MYPOP: variants seen among roughly 807,000 people sequenced by gnomAD.
The protein encoded by MYPOP is Myb related transcription factor, partner of profilin, also known as myb-related transcription factor, partner of profilin.
In MYPOP, 21 loss-of-function variants were observed where a neutral mutation model predicts 25.7. That is an observed-to-expected ratio of 0.82 (90% confidence interval 0.58 to 1.18). The LOEUF (loss-of-function observed/expected upper bound fraction) is 1.18, where lower values mean the gene tolerates loss of function less well. Ranked by LOEUF, MYPOP falls within the 50% of genes most tolerant of loss-of-function variation. MYPOP has a pLI of 0.00. For synonymous variants in MYPOP, 280 were observed against 247.9 expected (o/e 1.13, Z -1.22); for missense variants, 566 against 588.3 (o/e 0.96, Z 0.39).
chr19:45,890,944 A>T lies in MYPOP; in HGVS notation c.879T>A (p.Ala293=). 6.9e-7 allele frequency: 1 copy of T among 1,458,394 alleles called. No homozygotes were observed. 90.3% of individuals were successfully genotyped at this position (1,458,394 alleles called of 1,614,324 possible). Residue 293 remains alanine (A), a synonymous_variant, in exon 3 of 3, where the codon GCT becomes GCA. Transcript: ENST00000322217. The part of the protein sequence containing the change: ...GLAKLSEALS[A]LLPLLPGTPV... ...GGGTTCCTGGCAGAAGGGGCAGCAG[A>T]GCGCTGAGGGCCTCGCTCAGTTTGG...
At chr19:45,898,309 C>T (rs866385522) in intron 2 of MYPOP, among the ~76,000 whole-genome samples, 12 of 152,006 alleles carry the variant, frequency 7.9e-5, no homozygotes, top group Admixed American at 3.3e-4. Flanking sequence ...CATGCCAGGC[C>T]TGTGTATGGT....
rs376978103 is a variant in MYPOP at position 45,894,920 on chromosome 19, T to C, written c.500-3597A>G. Among the ~76,000 whole-genome samples, 20 of 152,008 alleles carry C rather than the reference T, an allele frequency of 1.3e-4. 1 individual carries two copies. The highest frequency in any genetic ancestry group is 7.9e-4 in the Admixed American group (12 of 15,252). On this transcript the variant is annotated intron_variant, in intron 2 of 2. Coordinates refer to ENST00000322217, the MANE Select transcript of MYPOP (RefSeq NM_001012643.4). Reference sequence around the variant, plus strand: ...TTTTAGTAGAGACGGGGTTTCACCATGTTGGCCAGATGGTCTCGATCTCTT... The same window carrying C: ...TTTTAGTAGAGACGGGGTTTCACCACGTTGGCCAGATGGTCTCGATCTCTT...
At chr19:45,898,696 CTCTAG>C (rs965149339) in intron 2 of MYPOP, among the ~76,000 whole-genome samples, 1 of 152,050 alleles carries the variant, frequency 6.6e-6, no homozygotes, top group African/African-American at 2.4e-5. Context: ...GTGCTGTTTC[CTCTAG>C]TCTAGCAGGA....
chr19:45,891,370 G>A (rs1368332771), intron 2 of MYPOP, 47 bp from the exon 3 acceptor site: 4 of 1,419,500 alleles, frequency 2.8e-6, no homozygotes, highest in Admixed American at 5.8e-5. Context: ...CCTCGATGCT[G>A]CCTTGATTTC....
chr19:45,898,302 G>T (rs1407838659), intron 2 of MYPOP, among the ~76,000 whole-genome samples: 7 of 152,006 alleles, frequency 4.6e-5, no homozygotes, highest in Non-Finnish European at 1.0e-4. Context: ...GAGCCACCAT[G>T]CCAGGCCTGT....
chr19:45,898,069 G>A (rs914922293), intron 2 of MYPOP, among the ~76,000 whole-genome samples: 3 of 149,802 alleles, frequency 2.0e-5, no homozygotes, highest in African/African-American at 4.9e-5. Flanking sequence ...GACTACAGGC[G>A]TGTGCCACCA....
Position 45,891,174 on chromosome 19 carries a change from C to G in MYPOP, c.649G>C (p.Ala217Pro). Reference sequence around the variant, plus strand: ...GGGGCTGGGGGTGGTGGAGACAAGGCCAGGCGAGGCAGCTGGACCGGCTGC... The same window carrying G: ...GGGGCTGGGGGTGGTGGAGACAAGGGCAGGCGAGGCAGCTGGACCGGCTGC... Reference protein sequence around the residue: ...ALQPVQLPRLALSPPPPAPPL... With the variant: ...ALQPVQLPRLPLSPPPPAPPL... The change falls in exon 3 of 3, where the codon GCC (alanine) becomes CCC (proline). Residue 217 changes from alanine (A) to proline (P), a missense_variant. Physicochemically the swap from Ala to Pro is conservative, Grantham distance 27 (BLOSUM62 -1). Transcript: ENST00000322217. 1.3e-6 allele frequency: 2 copies of G among 1,523,526 alleles called. No individual in the cohort carries two copies. The highest frequency in any genetic ancestry group is 1.8e-6 in the Non-Finnish European group (2 of 1,140,050). 94.4% of individuals were successfully genotyped at this position (1,523,526 alleles called of 1,614,324 possible).
rs1158575979 is a variant in MYPOP, at chr19:45,890,519, G to A, written c.*104C>T. 2.6e-6 allele frequency: 4 copies of A among 1,519,540 alleles called. No homozygotes were observed. Among genetic ancestry groups the A allele is most frequent in the Non-Finnish European group, 3.5e-6 (4 of 1,132,490 alleles). The allele number at this position is 1,519,540 out of a possible 1,614,324, so 94.1% of individuals were successfully genotyped here. ...CAGGGAGTGGGTGCTCACATCCCTG[G>A]AGCAGGGAGCTAGGGTGCAGCTGGG... On this transcript the variant is annotated 3_prime_UTR_variant, in exon 3 of 3. Transcript: ENST00000322217.
At position 45,891,236 on chromosome 19, in the gene MYPOP, C is replaced by G. The variant is rs533099876; in HGVS notation, c.587G>C (p.Arg196Pro). Residue 196 changes from arginine to proline, a missense_variant, in exon 3 of 3, where the codon CGG (arginine) becomes CCG (proline). By Grantham distance (103) the Arg-to-Pro change is moderately radical. Coordinates refer to ENST00000322217, the MANE Select transcript of MYPOP (RefSeq NM_001012643.4). ...GGGTGGTGACTCACGCTCCTTGGGCCGTGGGCAGCCCCCTTCCTGGGGAGT... is the reference window on the plus strand; with the variant it reads ...GGGTGGTGACTCACGCTCCTTGGGCGGTGGGCAGCCCCCTTCCTGGGGAGT... The part of the protein sequence containing the change: ...SCTPQEGGCP[R>P]PKERESPPPS... 308 of 1,543,846 alleles carry G rather than the reference C, an allele frequency of 2.0e-4. 3 individuals are homozygous for G. In the South Asian group the frequency reaches 3.5e-3, roughly 17 times the overall value.
chr19:45,893,612 T>A lies in MYPOP; in HGVS notation c.500-2289A>T, dbSNP rs1415107253. 8.7e-5 allele frequency among the ~76,000 whole-genome samples: 12 copies of A among 138,604 alleles called. 1 individual carries two copies. Among genetic ancestry groups the A allele is most frequent in the African/African-American group, 3.2e-4 (12 of 37,056 alleles). The allele number at this position is 138,604 out of a possible 152,430, so 90.9% of individuals were successfully genotyped here. On this transcript the variant is annotated intron_variant, in intron 2 of 2. Coordinates refer to ENST00000322217, the MANE Select transcript of MYPOP (RefSeq NM_001012643.4). ...AAGGCAAATCTATAGAAACAGAAAG[T>A]AGATGAGTGGCTGCCGGGGGCTGGG...
intron 2 of MYPOP, among the ~76,000 whole-genome samples, chr19:45,894,091 G>A (rs941751999): frequency 6.7e-6 from 1 of 148,754 alleles, no homozygotes; most frequent in Non-Finnish European, 1.5e-5. Context: ...GCCTGATCCT[G>A]TACACTTTAT....
Position 45,901,132 on chromosome 19 carries a change from T to G in MYPOP, c.499+143A>C, listed in dbSNP as rs985988227. Reference sequence around the variant, plus strand: ...GCTATCGGAACTGAGGCAAGTCATTTCATTTTTCTGAGCTTCAGTTTCCCT... The same window carrying G: ...GCTATCGGAACTGAGGCAAGTCATTGCATTTTTCTGAGCTTCAGTTTCCCT... On this transcript the variant is annotated intron_variant, in intron 2 of 2. Coordinates refer to ENST00000322217, the MANE Select transcript of MYPOP (RefSeq NM_001012643.4). The surrounding 1 kb of genome is among the most constrained non-coding windows in gnomAD (Gnocchi z 5.7). 1.8e-5 allele frequency: 15 copies of G among 830,242 alleles called. 1 individual carries two copies. Among genetic ancestry groups the G allele is most frequent in the African/African-American group, 1.8e-5 (1 of 55,980 alleles). The allele number at this position is 830,242 out of a possible 1,614,324, so 51.4% of individuals were successfully genotyped here. A position where few individuals can be genotyped will look rare whatever the true frequency, so the allele number is the denominator to read the frequency against.
chr19:45,891,505 T>C lies in MYPOP; in HGVS notation c.500-182A>G, dbSNP rs558322436. On this transcript the variant is annotated intron_variant, in intron 2 of 2. Coordinates refer to ENST00000322217, the MANE Select transcript of MYPOP (RefSeq NM_001012643.4). Reference sequence around the variant, plus strand: ...AGGCTGTAGTGCAGTGGTGCAATCTTGGCTCACTGCACCTTCCACCTCCTG... The same window carrying C: ...AGGCTGTAGTGCAGTGGTGCAATCTCGGCTCACTGCACCTTCCACCTCCTG... Among the ~76,000 whole-genome samples, 11 of 151,280 alleles carry C rather than the reference T, an allele frequency of 7.3e-5. No homozygotes were observed. The East Asian group carries it at 2.2e-3, about 30-fold the overall frequency.
At chr19:45,893,573 A>T (rs1173671223) in intron 2 of MYPOP, among the ~76,000 whole-genome samples, 1 of 150,362 alleles carries the variant, frequency 6.7e-6, no homozygotes, top group South Asian at 2.1e-4. Context: ...CGTCTCAAAA[A>T]AAAAAAAAAA....
intron 2 of MYPOP, among the ~76,000 whole-genome samples, chr19:45,900,618 GGAACGGCTGTA>G (rs1489686643): frequency 6.6e-6 from 1 of 152,066 alleles, no homozygotes; most frequent in Non-Finnish European, 1.5e-5. Context: ...AGGTGCTCAG[GGAACGGCTGTA>G]GAAGAAATAA....
intron 2 of MYPOP, among the ~76,000 whole-genome samples, chr19:45,899,412 T>G (rs775506829): frequency 1.3e-5 from 2 of 152,164 alleles, no homozygotes; most frequent in Non-Finnish European, 2.9e-5. Context: ...AAGTTGGCCA[T>G]CTCTGCTCTG....
intron 2 of MYPOP, among the ~76,000 whole-genome samples, chr19:45,893,474 A>C (rs1248146709): frequency 6.7e-6 from 1 of 149,630 alleles, no homozygotes; most frequent in African/African-American, 2.5e-5. Flanking sequence ...AGGCTGAGGC[A>C]GGAGAATCGC....
chr19:45,894,273 C>T (rs8105375), intron 2 of MYPOP, among the ~76,000 whole-genome samples: 11,467 of 150,848 alleles, frequency 0.076, 591 homozygotes, highest in Non-Finnish European at 0.12. Flanking sequence ...CCACCACGCC[C>T]GGCTAATTTT....
rs1283227557 is a variant in MYPOP at position 45,901,859 on chromosome 19, T to G, written c.-52-34A>C. On this transcript the variant is annotated intron_variant, in intron 1 of 2. Transcript: ENST00000322217. The surrounding 1 kb of genome is among the most constrained non-coding windows in gnomAD (Gnocchi z 5.7). ...AAAGGGCGCACGGGGCTGGCTGGGG[T>G]TCGGGGTCCCCCCGCCGCCGCCTCT... 9.0e-7 allele frequency: 1 copy of G among 1,115,352 alleles called. No homozygotes were observed. The highest frequency in any genetic ancestry group is 3.4e-5 in the East Asian group (1 of 29,802). The allele number at this position is 1,115,352 out of a possible 1,614,324, so 69.1% of individuals were successfully genotyped here. A position where few individuals can be genotyped will look rare whatever the true frequency, so the allele number is the denominator to read the frequency against.
Sources: allele counts gnomAD v4.1 joint callset (sites outside exome capture counted in the v4.1 genomes callset), GRCh38; gene constraint gnomAD v4.1.1; non-coding constraint Gnocchi (gnomAD v3.1); transcripts MANE v1.5; gene names NCBI Gene and HGNC (gene_info 2026-07-23, HGNC 2026-07-21).